ZMIZ1: variants seen among roughly 807,000 people sequenced by gnomAD.
ZMIZ1 encodes zinc finger MIZ domain-containing protein 1.
Under a neutral mutation model 113.9 loss-of-function variants are expected in ZMIZ1, and 17 were observed. That is an observed-to-expected ratio of 0.15 (90% CI 0.10 to 0.22). The LOEUF is 0.22. ZMIZ1 is among the 10% of genes least tolerant of loss of function. The pLI is 1.00. For synonymous variants in ZMIZ1, 607 were observed against 603.1 expected (o/e 1.01, Z -0.09); for missense variants, 1,059 against 1,477.8 (o/e 0.72, Z 4.65).
chr10:79,157,861 G>A (rs1230285895), intron 3 of ZMIZ1, among the ~76,000 whole-genome samples: 1 of 152,188 alleles, frequency 6.6e-6, no homozygotes, highest in African/African-American at 2.4e-5. Flanking sequence ...GGATGTGTGT[G>A]GCGGTGGGGT....
intron 1 of ZMIZ1, among the ~76,000 whole-genome samples, chr10:79,093,598 A>T (rs1843064759): frequency 6.6e-6 from 1 of 152,106 alleles, no homozygotes; most frequent in Non-Finnish European, 1.5e-5. Flanking sequence ...AAGTGCTAGG[A>T]TGAGAGGTGT....
Position 79,305,158 on chromosome 10 carries a change from C to G in ZMIZ1, c.2287-6C>G. ...GTCTCACCTGTGTCTGTCTGTCTGT[C>G]TGCAGTGCTTTGATCTGGAGTCATA... On this transcript the variant is annotated splice_region_variant and splice_polypyrimidine_tract_variant and intron_variant, in intron 19 of 24. Coordinates refer to ENST00000334512, the MANE Select transcript of ZMIZ1 (RefSeq NM_020338.4). The G allele has an allele frequency of 6.2e-7, 1 of 1,614,176 alleles. No individual in the cohort carries two copies. The highest frequency in any genetic ancestry group is 8.5e-7 in the Non-Finnish European group (1 of 1,180,028).
intron 4 of ZMIZ1, among the ~76,000 whole-genome samples, chr10:79,166,003 G>GTGTGTGTGTGTGTGTGTGTGTGTGTGT (rs1309575802): frequency 4.5e-5 from 2 of 44,470 alleles, no homozygotes; most frequent in African/African-American, 2.3e-4. Flanking sequence ...TGTGTGTGTG[G>GTGTGTGTGTGTGTGTGTGTGTGTGTGT]GCTCTCCCTG....
At position 79,290,777 on chromosome 10, in the gene ZMIZ1, C is replaced by T. The variant is rs77723016; in HGVS notation, c.541-182C>T. 9.6e-4 allele frequency: 728 copies of T among 759,670 alleles called. 2 individuals carry two copies. The African/African-American group carries it at 0.011, about 12-fold the overall frequency. The allele number at this position is 759,670 out of a possible 1,614,324, so 47.1% of individuals were successfully genotyped here. ...TTCTCATCCCCCACGCCACCTGCCG[C>T]CCAGGCCCGCTCCTTATCACCGGTA... On this transcript the variant is annotated intron_variant, in intron 9 of 24. Transcript: ENST00000334512.
intron 4 of ZMIZ1, among the ~76,000 whole-genome samples, chr10:79,174,351 G>A (rs1035755170): frequency 2.6e-5 from 4 of 152,172 alleles, no homozygotes; most frequent in South Asian, 4.1e-4. Context: ...ACAAAGGCAC[G>A]CCAATCCCTG....
At position 79,069,557 on chromosome 10, in the gene ZMIZ1, G is replaced by A. The variant is rs1486836858; in HGVS notation, c.-337+287G>A. ...GGGGCGTAAGTGTGGTCGTGCGCGC[G>A]CGGACCCGGTGCCCGCCTCCTGCCG... On this transcript the variant is annotated intron_variant, in intron 1 of 24. Coordinates refer to ENST00000334512, the MANE Select transcript of ZMIZ1 (RefSeq NM_020338.4). The surrounding 1 kb of genome is among the most constrained non-coding windows in gnomAD (Gnocchi z 4.6). 6.6e-6 allele frequency among the ~76,000 whole-genome samples: 1 copy of A among 151,750 alleles called. No homozygotes were observed. Among genetic ancestry groups the A allele is most frequent in the Admixed American group, 6.6e-5 (1 of 15,266 alleles).
intron 7 of ZMIZ1, among the ~76,000 whole-genome samples, chr10:79,254,999 A>C (rs1305932158): frequency 2.0e-5 from 3 of 152,190 alleles, no homozygotes; most frequent in Non-Finnish European, 2.9e-5. Context: ...CGCACCCCGC[A>C]GGGCTGTGGG....
At chr10:79,274,530 G>A (rs1195596653) in intron 7 of ZMIZ1, among the ~76,000 whole-genome samples, 1 of 152,222 alleles carries the variant, frequency 6.6e-6, no homozygotes, top group Non-Finnish European at 1.5e-5. Context: ...ATTCCCGGGT[G>A]TTGTCATTAA....
intron 7 of ZMIZ1, among the ~76,000 whole-genome samples, chr10:79,271,916 C>G (rs1278347052): frequency 1.3e-5 from 2 of 152,140 alleles, no homozygotes; most frequent in East Asian, 1.9e-4. Context: ...CTGAGAGGCT[C>G]TTCGTGCTAA....
At position 79,283,134 on chromosome 10, in the gene ZMIZ1, A is replaced by T. The variant is rs2131997740; in HGVS notation, c.425+5809A>T. Among the ~76,000 whole-genome samples, 3 of 152,384 alleles carry T rather than the reference A, an allele frequency of 2.0e-5. No individual in the cohort carries two copies. In the Middle Eastern group the frequency reaches 0.01, roughly 518 times the overall value. The stretch of plus-strand genomic sequence containing the variant: ...AATTTGATTACAGTCAAAACTCGCT[A>T]GGGCTGGGGAAGCCTCCAAGATTGA... On this transcript the variant is annotated intron_variant, in intron 8 of 24. Coordinates refer to ENST00000334512, the MANE Select transcript of ZMIZ1 (RefSeq NM_020338.4).
At chr10:79,175,643 G>C (rs1846825520) in intron 4 of ZMIZ1, among the ~76,000 whole-genome samples, 2 of 126,966 alleles carry the variant, frequency 1.6e-5, no homozygotes, top group Admixed American at 7.7e-5. Flanking sequence ...GGTTTTTACA[G>C]ACCCGCATGT....
At chr10:79,277,360 G>C (rs1182747366) in intron 8 of ZMIZ1, 35 bp downstream of exon 8, 1 of 1,539,610 alleles carries the variant, frequency 6.5e-7, no homozygotes, top group Non-Finnish European at 8.7e-7. Context: ...CAGGTACTGA[G>C]CAGACACCCC....
chr10:79,246,416 G>A (rs1016643492), intron 7 of ZMIZ1, among the ~76,000 whole-genome samples: 19 of 152,160 alleles, frequency 1.2e-4, no homozygotes, highest in African/African-American at 3.9e-4. Flanking sequence ...GAGCGGGCGC[G>A]AGGCTCTCTG....
At chr10:79,258,617 T>A (rs1246450678) in intron 7 of ZMIZ1, among the ~76,000 whole-genome samples, 2 of 152,220 alleles carry the variant, frequency 1.3e-5, no homozygotes, top group Non-Finnish European at 2.9e-5. Context: ...TTGTCATGCG[T>A]AGGGTCTCAG....
intron 6 of ZMIZ1, 102 bp from the exon 7 acceptor site, chr10:79,216,067 C>G: frequency 1.5e-6 from 1 of 678,600 alleles, no homozygotes; most frequent in Non-Finnish European, 2.3e-6. Flanking sequence ...TGATGGGGCA[C>G]TGCCTTAGCT....
chr10:79,292,379 G>C, intron 11 of ZMIZ1, 23 bp downstream of exon 11: 1 of 1,590,214 alleles, frequency 6.3e-7, no homozygotes, highest in South Asian at 1.1e-5. Context: ...ACTAATCCTG[G>C]TCCAGCCTTG....
chr10:79,251,893 A>G (rs895843319), intron 7 of ZMIZ1, among the ~76,000 whole-genome samples: 4 of 152,184 alleles, frequency 2.6e-5, no homozygotes, highest in African/African-American at 9.7e-5. Flanking sequence ...GAAACGCCCT[A>G]TCCCCACCTT....
chr10:79,151,632 C>T lies in ZMIZ1; in HGVS notation c.-130-10421C>T, dbSNP rs374117200. 6.6e-5 allele frequency among the ~76,000 whole-genome samples: 10 copies of T among 152,290 alleles called. No individual in the cohort carries two copies. In the South Asian group the frequency reaches 1.2e-3, roughly 19 times the overall value. On this transcript the variant is annotated intron_variant, in intron 3 of 24. Transcript: ENST00000334512. ...GTGCCTGTCCGCAAGGCTGGAGAGG[C>T]GCTGCTCAGAGCCAGCACTGAGGGT...
chr10:79,290,813 A>T, intron 9 of ZMIZ1, 146 bp from the exon 10 acceptor site: 1 of 885,988 alleles, frequency 1.1e-6, no homozygotes, highest in South Asian at 1.4e-5. Context: ...CACTCAGAAT[A>T]GTTCATCCAC....
Sources: gnomAD v4.1 joint callset for allele counts (sites outside exome capture counted in the v4.1 genomes callset) on GRCh38, gnomAD v4.1.1 for gene constraint, Gnocchi (gnomAD v3.1) non-coding constraint, MANE v1.5 for transcripts, NCBI Gene and HGNC (gene_info 2026-07-23, HGNC 2026-07-21) for gene names.